Variants in MAGI1 observed in about 807,000 individuals in gnomAD.
The protein encoded by MAGI1 is membrane associated guanylate kinase, WW and PDZ domain containing 1, also known as membrane-associated guanylate kinase, WW and PDZ domain-containing protein 1.
MAGI1 carries 58 observed loss-of-function variants against 139.9 expected under a neutral mutation model. The ratio of observed to expected loss-of-function variants is 0.41; its 90% confidence interval spans 0.34 to 0.52. The LOEUF (loss-of-function observed/expected upper bound fraction) is 0.52, where lower values mean the gene tolerates loss of function less well. Among genes scored for constraint, MAGI1 ranks in the 20% least tolerant of loss-of-function variants. The pLI is 0.12. For synonymous variants in MAGI1, 812 were observed against 737.9 expected (o/e 1.10, Z -1.63); for missense variants, 1,874 against 1,901.6 (o/e 0.99, Z 0.27).
chr3:65,530,700 C>T (rs1259539755), intron 2 of MAGI1, among the ~76,000 whole-genome samples: 4 of 130,032 alleles, frequency 3.1e-5, no homozygotes, highest in South Asian at 2.4e-4. Context: ...TATATATATA[C>T]ACATATACAC....
intron 2 of MAGI1, among the ~76,000 whole-genome samples, chr3:65,566,618 T>TTTTGTTTG (rs141896683): frequency 5.9e-5 from 9 of 152,108 alleles, no homozygotes; most frequent in African/African-American, 1.9e-4. Flanking sequence ...GTTACTGGGT[T>TTTTGTTTG]TTTGTTTGTT....
chr3:65,924,268 C>A (rs2062383378), intron 1 of MAGI1, among the ~76,000 whole-genome samples: 1 of 152,204 alleles, frequency 6.6e-6, no homozygotes, highest in Non-Finnish European at 1.5e-5. Context: ...TCAAACCTGT[C>A]TTTCCTTTCC....
At chr3:65,813,624 C>T (rs2041421223) in intron 1 of MAGI1, among the ~76,000 whole-genome samples, 1 of 152,188 alleles carries the variant, frequency 6.6e-6, no homozygotes, top group Non-Finnish European at 1.5e-5. Flanking sequence ...TAGCAATGCA[C>T]ATCTCTTTAA....
chr3:65,545,156 T>C (rs1198993187), intron 2 of MAGI1, among the ~76,000 whole-genome samples: 1 of 152,172 alleles, frequency 6.6e-6, no homozygotes, highest in East Asian at 1.9e-4. Flanking sequence ...CCCCTCATAA[T>C]GCGTCACTTC....
intron 1 of MAGI1, among the ~76,000 whole-genome samples, chr3:65,665,980 C>T (rs2086492483): frequency 6.6e-6 from 1 of 152,174 alleles, no homozygotes; most frequent in Admixed American, 6.5e-5. Flanking sequence ...TATATCCTTG[C>T]TTCCAGGCCA....
chr3:65,581,654 T>C (rs2081430083), intron 2 of MAGI1, among the ~76,000 whole-genome samples: 1 of 152,108 alleles, frequency 6.6e-6, no homozygotes, highest in South Asian at 2.1e-4. Context: ...CTCCACTCTA[T>C]CTCTTGCACA....
intron 1 of MAGI1, among the ~76,000 whole-genome samples, chr3:65,748,946 A>G (rs1576991281): frequency 1.3e-5 from 2 of 152,190 alleles, no homozygotes; most frequent in Non-Finnish European, 2.9e-5. Flanking sequence ...TGGAGGCAGG[A>G]GAGTAATAGG....
Position 65,535,114 on chromosome 3 carries a change from G to T in MAGI1, c.431-41483C>A, listed in dbSNP as rs961025117. ...GCTCCTTCTTGGTGGTGTTGTTCTT[G>T]TTCCCCAAGGGACTCTACTGACACT... On this transcript the variant is annotated intron_variant, in intron 2 of 22. Coordinates refer to ENST00000402939, the MANE Select transcript of MAGI1 (RefSeq NM_001033057.2). Among the ~76,000 whole-genome samples, 6 of 152,022 alleles carry T rather than the reference G, an allele frequency of 3.9e-5. No individual in the cohort carries two copies. The South Asian group carries it at 1.3e-3, about 32-fold the overall frequency.
chr3:65,474,535 TA>T, intron 4 of MAGI1, among the ~76,000 whole-genome samples: 1 of 152,234 alleles, frequency 6.6e-6, no homozygotes, highest in South Asian at 2.1e-4. Flanking sequence ...GGAATACACA[TA>T]AAAATCGTTT....
intron 5 of MAGI1, among the ~76,000 whole-genome samples, chr3:65,468,081 T>C (rs1193885986): frequency 6.6e-6 from 1 of 152,200 alleles, no homozygotes; most frequent in African/African-American, 2.4e-5. Context: ...CCTCTTTTTA[T>C]ATATATGTAT....
At chr3:65,837,901 T>C (rs1012588364) in intron 1 of MAGI1, among the ~76,000 whole-genome samples, 1 of 152,240 alleles carries the variant, frequency 6.6e-6, no homozygotes, top group Non-Finnish European at 1.5e-5. Flanking sequence ...GTCTTATTTT[T>C]AAACTTTTTA....
At chr3:65,711,527 G>C (rs760457174) in intron 1 of MAGI1, among the ~76,000 whole-genome samples, 3 of 152,050 alleles carry the variant, frequency 2.0e-5, no homozygotes, top group Non-Finnish European at 4.4e-5. Flanking sequence ...GCTTAGTTTT[G>C]TCCCCCCAAA....
chr3:65,770,544 C>G (rs2037862678), intron 1 of MAGI1, among the ~76,000 whole-genome samples: 1 of 152,244 alleles, frequency 6.6e-6, no homozygotes, highest in Non-Finnish European at 1.5e-5. Context: ...ACCTGTGTGC[C>G]TCAAGTGTTT....
At chr3:65,718,605 C>T (rs959048110) in intron 1 of MAGI1, 5 of 152,022 alleles carry the variant, frequency 3.3e-5, no homozygotes, top group African/African-American at 9.7e-5. Context: ...GTATAAACAG[C>T]CGAAGTAGCC....
At chr3:65,847,941 TG>T in intron 1 of MAGI1, among the ~76,000 whole-genome samples, 1 of 152,264 alleles carries the variant, frequency 6.6e-6, no homozygotes, top group South Asian at 2.1e-4. Context: ...AGACTGGGGT[TG>T]GGGTATACCT....
intron 1 of MAGI1, among the ~76,000 whole-genome samples, chr3:65,735,608 G>A (rs2034657805): frequency 6.6e-6 from 1 of 152,010 alleles, no homozygotes; most frequent in Non-Finnish European, 1.5e-5. Context: ...CCAACCCAGT[G>A]AATGATCCTT....
chr3:65,539,070 TCAAA>T (rs927074153), intron 2 of MAGI1, among the ~76,000 whole-genome samples: 21 of 150,800 alleles, frequency 1.4e-4, no homozygotes, highest in African/African-American at 5.1e-4. Flanking sequence ...CCAACTACCA[TCAAA>T]CAGACACACG....
chr3:65,452,108 CAAACAAAGCAACCAAGATA>C (rs147052756), intron 6 of MAGI1, among the ~76,000 whole-genome samples: 151,205 of 151,744 alleles, frequency 1, 75,335 homozygotes, highest in Middle Eastern at 1. Context: ...CTTCAGGAAT[CAAACAAAGCAACCAAGATA>C]AAACAAAGCA....
intron 6 of MAGI1, among the ~76,000 whole-genome samples, chr3:65,451,508 T>C (rs571313639): frequency 1.3e-5 from 2 of 152,330 alleles, no homozygotes; most frequent in African/African-American, 4.8e-5. Flanking sequence ...TATTTTCAGA[T>C]TGGAGATACT....
Sources: gnomAD v4.1 joint callset for allele counts (sites outside exome capture counted in the v4.1 genomes callset) on GRCh38, gnomAD v4.1.1 for gene constraint, MANE v1.5 for transcripts, NCBI Gene and HGNC (gene_info 2026-07-23, HGNC 2026-07-21) for gene names.